ST18: variants seen among roughly 807,000 people sequenced by gnomAD.
The protein encoded by ST18 is ST18 C2H2C-type zinc finger transcription factor.
In ST18, 50 loss-of-function variants were observed where a neutral mutation model predicts 110.0. The observed-to-expected ratio is 0.45, with a 90% CI of 0.36 to 0.58. ST18 has a LOEUF of 0.58. ST18 is among the 20% of genes least tolerant of loss of function. The pLI, the probability that ST18 is intolerant of heterozygous loss-of-function variation, is 0.00. For missense variants in ST18, 1,306 were observed against 1,280.1 expected (o/e 1.02, Z -0.31); for synonymous variants, 461 against 452.4 (o/e 1.02, Z -0.24).
chr8:52,219,667 T>C (rs16917506), intron 5 of ST18, among the ~76,000 whole-genome samples: 17,630 of 152,178 alleles, frequency 0.12, 1,483 homozygotes, highest in African/African-American at 0.22. Flanking sequence ...TCCACTGTCA[T>C]TTTAAGTAGA....
chr8:52,126,051 C>A lies in ST18; in HGVS notation c.2755+1G>T. On this transcript the variant is annotated splice_donor_variant, in intron 23 of 25. Coordinates refer to ENST00000689386, the MANE Select transcript of ST18 (RefSeq NM_001352837.2). LOFTEE classifies it high-confidence loss of function. ...GGTGACAGCCAGCCCTGTGCTCTTA[C>A]CCCCAGTTGCTTTGAGCTTGATGGT... is the stretch of plus-strand genomic sequence containing the variant. The A allele has an allele frequency of 6.2e-7, 1 of 1,613,890 alleles. No individual in the cohort carries two copies. Among genetic ancestry groups the A allele is most frequent in the Non-Finnish European group, 8.5e-7 (1 of 1,179,868 alleles).
At chr8:52,316,748 T>C (rs1020825712) in intron 2 of ST18, among the ~76,000 whole-genome samples, 4 of 152,226 alleles carry the variant, frequency 2.6e-5, no homozygotes, top group Non-Finnish European at 5.9e-5. Context: ...TTGGTTCTAT[T>C]TGACTTTCTA....
intron 2 of ST18, among the ~76,000 whole-genome samples, chr8:52,297,255 G>C (rs964363729): frequency 1.3e-5 from 2 of 152,232 alleles, no homozygotes; most frequent in African/African-American, 4.8e-5. Flanking sequence ...TACGTGAAGT[G>C]TGTGACAGTG....
intron 8 of ST18, among the ~76,000 whole-genome samples, chr8:52,196,118 G>T (rs138949674): frequency 1.0e-3 from 155 of 152,268 alleles, no homozygotes; most frequent in African/African-American, 3.6e-3. Context: ...TGACTTGGGT[G>T]CTGCTTAAGC....
At chr8:52,257,390 C>A (rs62499800) in intron 2 of ST18, among the ~76,000 whole-genome samples, 31,285 of 152,050 alleles carry the variant, frequency 0.21, 3,851 homozygotes, top group Middle Eastern at 0.38. Flanking sequence ...CACAATATAC[C>A]TTTCCCCCAG....
intron 14 of ST18, among the ~76,000 whole-genome samples, chr8:52,161,012 A>C (rs1206471131): frequency 6.6e-6 from 1 of 152,234 alleles, no homozygotes; most frequent in African/African-American, 2.4e-5. Flanking sequence ...TTTCAATACA[A>C]ATAAATATTA....
intron 2 of ST18, among the ~76,000 whole-genome samples, chr8:52,253,899 A>AT (rs1470470471): frequency 6.6e-6 from 1 of 152,152 alleles, no homozygotes; most frequent in African/African-American, 2.4e-5. Context: ...GCACCATGAC[A>AT]TTTTATTCTG....
At chr8:52,256,274 A>G (rs1396279083) in intron 2 of ST18, among the ~76,000 whole-genome samples, 2 of 152,260 alleles carry the variant, frequency 1.3e-5, no homozygotes, top group African/African-American at 4.8e-5. Context: ...TGTGAAGAAT[A>G]TAATTGCCTA....
chr8:52,280,498 A>C (rs938085440), intron 2 of ST18, among the ~76,000 whole-genome samples: 8 of 152,192 alleles, frequency 5.3e-5, no homozygotes, highest in Non-Finnish European at 1.0e-4. Flanking sequence ...CTAGACCTTA[A>C]GAACAAAAAG....
At chr8:52,362,104 A>G (rs1030737131) in intron 2 of ST18, among the ~76,000 whole-genome samples, 10 of 152,190 alleles carry the variant, frequency 6.6e-5, no homozygotes, top group Non-Finnish European at 2.9e-5. Flanking sequence ...GTTTCATGCT[A>G]TCTGAGTGAA....
intron 2 of ST18, among the ~76,000 whole-genome samples, chr8:52,386,078 G>A (rs1836613435): frequency 6.6e-6 from 1 of 152,168 alleles, no homozygotes; most frequent in Non-Finnish European, 1.5e-5. Flanking sequence ...CATATACGCA[G>A]ACATTGATTG....
intron 2 of ST18, among the ~76,000 whole-genome samples, chr8:52,251,283 T>C (rs1470262669): frequency 1.3e-5 from 2 of 152,144 alleles, no homozygotes; most frequent in African/African-American, 4.8e-5. Flanking sequence ...CCTCAATATT[T>C]CAACAAATGG....
chr8:52,127,953 T>C (rs1247968009), intron 22 of ST18, among the ~76,000 whole-genome samples: 1 of 151,476 alleles, frequency 6.6e-6, no homozygotes, highest in Non-Finnish European at 1.5e-5. Context: ...AAAATTACCA[T>C]TCTATTATGA....
At chr8:52,118,770 A>G (rs547390376) in intron 23 of ST18, among the ~76,000 whole-genome samples, 33 of 152,250 alleles carry the variant, frequency 2.2e-4, no homozygotes, top group African/African-American at 9.6e-5. Context: ...CCCTCCTCAC[A>G]TATGAAGACA....
At chr8:52,154,323 A>T (rs1587133955) in intron 15 of ST18, 1 of 152,322 alleles carries the variant, frequency 6.6e-6, no homozygotes, top group African/African-American at 2.4e-5. Flanking sequence ...CACAAAACAG[A>T]CTTTGAACTT....
chr8:52,203,875 C>G (rs1359396562), intron 8 of ST18, among the ~76,000 whole-genome samples: 1 of 152,148 alleles, frequency 6.6e-6, no homozygotes, highest in African/African-American at 2.4e-5. Flanking sequence ...ATTACCAAAG[C>G]TGCAAGGGAG....
Position 52,181,932 on chromosome 8 carries a change from GAAAC to G in ST18, c.87-1624_87-1621del, listed in dbSNP as rs528543936. ...ATCAAAGGGGCATAGAGTTCCTAGA[GAAAC>G]TCTAGGAACCTCTTGAACCTCCTGA... On this transcript the variant is annotated intron_variant, in intron 8 of 25. Transcript: ENST00000689386. 1.7e-4 allele frequency among the ~76,000 whole-genome samples: 26 copies of G among 152,210 alleles called. No individual in the cohort carries two copies. In the East Asian group the frequency reaches 4.8e-3, roughly 28 times the overall value.
At chr8:52,124,789 T>C (rs2114226) in intron 23 of ST18, among the ~76,000 whole-genome samples, 45,385 of 151,932 alleles carry the variant, frequency 0.3, 9,816 homozygotes, top group African/African-American at 0.62. Flanking sequence ...TGAGGACCCA[T>C]GGAGGGAGAG....
At chr8:52,273,682 C>T (rs1029287190) in intron 2 of ST18, among the ~76,000 whole-genome samples, 5 of 152,174 alleles carry the variant, frequency 3.3e-5, no homozygotes, top group Non-Finnish European at 7.4e-5. Context: ...TCTATTAGAA[C>T]TAATTTAATT....
Sources: gnomAD v4.1 joint callset for allele counts (sites outside exome capture counted in the v4.1 genomes callset) on GRCh38, gnomAD v4.1.1 for gene constraint, MANE v1.5 for transcripts, NCBI Gene and HGNC (gene_info 2026-07-23, HGNC 2026-07-21) for gene names.